The following WHRN variants were observed in gnomAD, a reference collection of about 807,000 sequenced individuals.
WHRN encodes CASK-interacting protein CIP98.
WHRN carries 41 observed loss-of-function variants against 68.3 expected under a neutral mutation model. The observed-to-expected ratio is 0.60, with a 90% CI of 0.47 to 0.78. The LOEUF (loss-of-function observed/expected upper bound fraction) is 0.78. WHRN is among the 30% of genes least tolerant of loss of function. The pLI is 0.00. For missense variants in WHRN, 1,243 were observed against 1,244.7 expected, an observed-to-expected ratio of 1.00 and a Z score of 0.02; for synonymous variants, 560 against 561.3, an observed-to-expected ratio of 1.00 and a Z score of 0.03.
intron 7 of WHRN, among the ~76,000 whole-genome samples, chr9:114,418,154 C>T (rs1201671759): frequency 2.0e-5 from 3 of 152,186 alleles, no homozygotes; most frequent in Admixed American, 2.0e-4. Context: ...CCCACAGTCC[C>T]CACCGGCAGG....
At chr9:114,417,102 T>G (rs1293532684) in intron 7 of WHRN, among the ~76,000 whole-genome samples, 1 of 152,202 alleles carries the variant, frequency 6.6e-6, no homozygotes, top group Non-Finnish European at 1.5e-5. Flanking sequence ...GAAGGCAGCA[T>G]AAAATGCTCA....
At chr9:114,419,646 T>C (rs889443903) in intron 7 of WHRN, among the ~76,000 whole-genome samples, 1 of 152,098 alleles carries the variant, frequency 6.6e-6, no homozygotes, top group Admixed American at 6.5e-5. Flanking sequence ...GAAGCACACA[T>C]AGGAGAAAGT....
rs10982243 is a variant in WHRN at position 114,487,526 on chromosome 9, C to T, written c.619-8755G>A. 3.0e-3 allele frequency among the ~76,000 whole-genome samples: 458 copies of T among 152,276 alleles called. 5 individuals are homozygous for T. In the South Asian group the frequency reaches 0.033, roughly 11 times the overall value. ...TTCCCTGGAAGGGACTCACCACTAC[C>T]GAATTCTCATTCTCCTATCAATGGA... On this transcript the variant is annotated intron_variant, in intron 1 of 11. Coordinates refer to ENST00000362057, the MANE Select transcript of WHRN (RefSeq NM_015404.4).
At position 114,461,718 on chromosome 9, in the gene WHRN, T is replaced by G. The variant is rs7863651; in HGVS notation, c.963+4549A>C. On this transcript the variant is annotated intron_variant, in intron 3 of 11. Coordinates refer to ENST00000362057, the MANE Select transcript of WHRN (RefSeq NM_015404.4). ...TAATTAGTTTTGTTCTCTTTTAAAT[T>G]TCAACCGAAATGCTTCCTCCTCCAG... 7.6e-3 allele frequency among the ~76,000 whole-genome samples: 1,165 copies of G among 152,342 alleles called. 6 individuals carry two copies. Among genetic ancestry groups the G allele is most frequent in the African/African-American group, 0.026 (1,086 of 41,570 alleles).
intron 3 of WHRN, among the ~76,000 whole-genome samples, chr9:114,444,794 T>C (rs1589149689): frequency 6.6e-6 from 1 of 151,354 alleles, no homozygotes; most frequent in Non-Finnish European, 1.5e-5. Flanking sequence ...GCTATATATA[T>C]AATATATATA....
intron 7 of WHRN, among the ~76,000 whole-genome samples, chr9:114,413,160 T>C (rs528878502): frequency 9.0e-4 from 137 of 152,082 alleles, no homozygotes; most frequent in Admixed American, 2.1e-3. Flanking sequence ...GGGGCCTAGA[T>C]TTTGCCTGAA....
chr9:114,465,842 C>T (rs935050978), intron 3 of WHRN, among the ~76,000 whole-genome samples: 14 of 152,182 alleles, frequency 9.2e-5, no homozygotes, highest in East Asian at 7.7e-4. Flanking sequence ...AGATCACAGA[C>T]GCTGGGCACA....
intron 3 of WHRN, among the ~76,000 whole-genome samples, chr9:114,429,394 A>G (rs928109505): frequency 1.1e-4 from 17 of 152,206 alleles, no homozygotes; most frequent in African/African-American, 3.6e-4. Flanking sequence ...CTTCCGTGCC[A>G]CATGGCCCCA....
intron 3 of WHRN, among the ~76,000 whole-genome samples, chr9:114,454,685 A>G (rs1336969532): frequency 6.8e-6 from 1 of 147,698 alleles, no homozygotes; most frequent in Non-Finnish European, 1.5e-5. Flanking sequence ...CCAGGAAGCT[A>G]TATTTTTTTT....
rs573361748 is a variant in WHRN, at chr9:114,469,562, G to A, written c.838-3170C>T. On this transcript the variant is annotated intron_variant, in intron 2 of 11. Transcript: ENST00000362057. Reference sequence around the variant, plus strand: ...AGCTCTGTGGCTAGTGGCTGATGGCGGTGGGTAAAAGCCAGCCCCAGCCTC... The same window carrying A: ...AGCTCTGTGGCTAGTGGCTGATGGCAGTGGGTAAAAGCCAGCCCCAGCCTC... Among the ~76,000 whole-genome samples the A allele has an allele frequency of 7.2e-5, 11 of 152,264 alleles. No individual in the cohort carries two copies. The South Asian group carries it at 1.2e-3, about 17-fold the overall frequency.
intron 7 of WHRN, among the ~76,000 whole-genome samples, chr9:114,420,934 T>C (rs1836230172): frequency 1.3e-5 from 2 of 151,896 alleles, no homozygotes; most frequent in Admixed American, 6.6e-5. Flanking sequence ...AAGTGCCCCT[T>C]CCACGCTGCC....
intron 7 of WHRN, among the ~76,000 whole-genome samples, chr9:114,408,724 G>A (rs931593004): frequency 7.9e-5 from 12 of 152,228 alleles, no homozygotes; most frequent in African/African-American, 2.2e-4. Context: ...GATTAGCTTC[G>A]CGTGTCAACT....
rs140680116 is a variant in WHRN, at chr9:114,449,183, T to A, written c.963+17084A>T. 3.7e-3 allele frequency among the ~76,000 whole-genome samples: 561 copies of A among 152,334 alleles called. 4 individuals carry two copies. The highest frequency in any genetic ancestry group is 0.013 in the African/African-American group (532 of 41,576). On this transcript the variant is annotated intron_variant, in intron 3 of 11. Coordinates refer to ENST00000362057, the MANE Select transcript of WHRN (RefSeq NM_015404.4). ...AACCATATGTACCCACAAGCAGGCATTTAATTTGGCATGACCACATGTAAA... is the reference window on the plus strand; with the variant it reads ...AACCATATGTACCCACAAGCAGGCAATTAATTTGGCATGACCACATGTAAA...
At position 114,478,718 on chromosome 9, in the gene WHRN, G is replaced by T; in HGVS notation, c.672C>A (p.Ile224=). 6.2e-7 allele frequency: 1 copy of T among 1,609,792 alleles called. No individual in the cohort carries two copies. The change falls in exon 2 of 12, where the codon ATC becomes ATA. Residue 224 remains isoleucine, a synonymous_variant. Coordinates refer to ENST00000362057, the MANE Select transcript of WHRN (RefSeq NM_015404.4). ...TGTGGTTGGTGACGTAGCCCCCAGG[G>T]ATGCGCCCTGCTGAGTACACAGACA... ...LVLSVYSAGR[I]PGGYVTNHIY... is the part of the protein sequence containing the mutation.
At chr9:114,436,099 T>C (rs966159382) in intron 3 of WHRN, among the ~76,000 whole-genome samples, 1 of 152,186 alleles carries the variant, frequency 6.6e-6, no homozygotes, top group Admixed American at 6.5e-5. Context: ...CTTAAATGCA[T>C]ACTGCTAAGG....
intron 1 of WHRN, among the ~76,000 whole-genome samples, chr9:114,486,961 A>G (rs1210020854): frequency 0.17 from 203 of 1,166 alleles, 3 homozygotes; most frequent in Middle Eastern, 0.5. Context: ...GTGTGTGTGT[A>G]TATATATATA....
rs1407499903 is a variant in WHRN, at chr9:114,404,059, T to C, written c.2255A>G (p.Gln752Arg). The change falls in exon 10 of 12, where the codon CAG becomes CGG. Residue 752 changes from glutamine (Q) to arginine (R), a missense_variant. Coordinates refer to ENST00000362057, the MANE Select transcript of WHRN (RefSeq NM_015404.4). ...TAGAGTCTGCCCGCTGTCCGAGAGC[T>C]GGGAGAGCGTAGAGGCTGCTGGAGA... Reference protein sequence around the residue: ...PQTRTASTLSQLSDSGQTLSE... With the variant: ...PQTRTASTLSRLSDSGQTLSE... 3 of 1,613,138 alleles carry C rather than the reference T, an allele frequency of 1.9e-6. No individual in the cohort carries two copies. The highest frequency in any genetic ancestry group is 2.5e-6 in the Non-Finnish European group (3 of 1,180,004).
chr9:114,410,373 C>A (rs1049459778), intron 7 of WHRN, among the ~76,000 whole-genome samples: 1 of 152,216 alleles, frequency 6.6e-6, no homozygotes, highest in Non-Finnish European at 1.5e-5. Flanking sequence ...ACTGATGAAT[C>A]CATGAATGAA....
At chr9:114,470,240 G>A (rs531333934) in intron 2 of WHRN, among the ~76,000 whole-genome samples, 3 of 152,282 alleles carry the variant, frequency 2.0e-5, no homozygotes, top group Non-Finnish European at 4.4e-5. Flanking sequence ...GAGCTCCCCA[G>A]AAATACGACC....
Sources: gnomAD v4.1 joint callset for allele counts (sites outside exome capture counted in the v4.1 genomes callset) on GRCh38, gnomAD v4.1.1 for gene constraint, MANE v1.5 for transcripts, NCBI Gene and HGNC (gene_info 2026-07-23, HGNC 2026-07-21) for gene names.